The following FBN2 variants were observed in gnomAD, a reference collection of about 807,000 sequenced individuals.
FBN2 encodes fibrillin-2.
A neutral mutation model predicts 355.6 loss-of-function variants in FBN2; 105 were observed. The observed-to-expected ratio is 0.30, with a 90% CI of 0.25 to 0.35. FBN2 has a LOEUF of 0.35. Among genes scored for constraint, FBN2 ranks in the 10% least tolerant of loss-of-function variants. The pLI, the probability that FBN2 is intolerant of heterozygous loss-of-function variation, is 1.00. For synonymous variants in FBN2, 1,350 were observed against 1,301.2 expected (o/e 1.04, Z -0.81); for missense variants, 3,280 against 3,758.7 (o/e 0.87, Z 3.33).
chr5:128,296,305 G>C (rs1330474412), intron 48 of FBN2, among the ~76,000 whole-genome samples: 1 of 151,516 alleles, frequency 6.6e-6, no homozygotes, highest in Non-Finnish European at 1.5e-5. Flanking sequence ...TCTCTTTTTT[G>C]GTTGTGTCTC....
intron 4 of FBN2, among the ~76,000 whole-genome samples, chr5:128,527,404 T>C (rs1423823133): frequency 6.6e-6 from 1 of 152,152 alleles, no homozygotes; most frequent in African/African-American, 2.4e-5. Context: ...TAAATATATT[T>C]AAGCAAAGGA....
intron 5 of FBN2, among the ~76,000 whole-genome samples, chr5:128,512,939 CA>C (rs1201779296): frequency 6.6e-6 from 1 of 152,086 alleles, no homozygotes; most frequent in East Asian, 1.9e-4. Flanking sequence ...TCAAAGTTAA[CA>C]TAATAGATAT....
chr5:128,339,269 T>C, intron 25 of FBN2: 1 of 550,174 alleles, frequency 1.8e-6, no homozygotes, highest in South Asian at 2.0e-5. Flanking sequence ...AGGCAAGTGG[T>C]GCCTTTTCAC....
At chr5:128,478,293 T>A (rs1243798738) in intron 5 of FBN2, among the ~76,000 whole-genome samples, 3 of 152,172 alleles carry the variant, frequency 2.0e-5, no homozygotes, top group Admixed American at 1.3e-4. Context: ...TCAAAAAAGT[T>A]CCAATATAAT....
At chr5:128,374,369 C>T (rs1752026859) in intron 15 of FBN2, among the ~76,000 whole-genome samples, 1 of 152,088 alleles carries the variant, frequency 6.6e-6, no homozygotes, top group African/African-American at 2.4e-5. Flanking sequence ...TCCCACCACC[C>T]CCATCCTCTC....
rs1309043618 is a variant in FBN2, at chr5:128,272,158, C to T, written c.7841-40G>A. On this transcript the variant is annotated intron_variant, in intron 61 of 64. Transcript: ENST00000262464. ...CCGGCAAAACCTTTATGTCACCTTT[C>T]TTCTACTATTTTTAAATGCACTCCA... 2.5e-6 allele frequency: 4 copies of T among 1,612,970 alleles called. No homozygotes were observed. The African/African-American group carries it at 5.3e-5, about 22-fold the overall frequency.
intron 60 of FBN2, 133 bp from the exon 61 acceptor site, chr5:128,274,101 C>A (rs893879331): frequency 3.2e-6 from 3 of 939,798 alleles, no homozygotes; most frequent in African/African-American, 3.3e-5. Context: ...AAAATTTATA[C>A]CAAAATTCAC....
intron 11 of FBN2, among the ~76,000 whole-genome samples, chr5:128,388,269 T>C (rs1238897219): frequency 2.0e-5 from 3 of 152,176 alleles, no homozygotes; most frequent in African/African-American, 7.2e-5. Flanking sequence ...AGACAGCATA[T>C]AGTTGAATCT....
At chr5:128,380,225 A>T (rs917584615) in intron 11 of FBN2, among the ~76,000 whole-genome samples, 3 of 152,118 alleles carry the variant, frequency 2.0e-5, no homozygotes, top group Admixed American at 6.6e-5. Flanking sequence ...GAGCATTAGC[A>T]AGCATATAAA....
intron 11 of FBN2, among the ~76,000 whole-genome samples, chr5:128,390,902 CTTGA>C (rs1177435598): frequency 1.3e-5 from 2 of 152,124 alleles, no homozygotes; most frequent in African/African-American, 4.8e-5. Flanking sequence ...ACACTGTATG[CTTGA>C]TTGTTTCTCA....
chr5:128,398,026 T>A (rs1303344779), intron 8 of FBN2, among the ~76,000 whole-genome samples: 1 of 152,048 alleles, frequency 6.6e-6, no homozygotes, highest in African/African-American at 2.4e-5. Context: ...AAAAAAAAGA[T>A]CTCTCTTAAG....
chr5:128,276,902 T>C (rs1040002119), intron 58 of FBN2, among the ~76,000 whole-genome samples: 1 of 152,214 alleles, frequency 6.6e-6, no homozygotes, highest in Non-Finnish European at 1.5e-5. Context: ...CACACGTGTA[T>C]AGACAGTCTT....
chr5:128,383,254 ACT>A (rs1334870521), intron 11 of FBN2, among the ~76,000 whole-genome samples: 1 of 151,988 alleles, frequency 6.6e-6, no homozygotes, highest in African/African-American at 2.4e-5. Flanking sequence ...GAGAGAAGAC[ACT>A]CTTTTCAACA....
At chr5:128,503,078 C>G (rs542442490) in intron 5 of FBN2, among the ~76,000 whole-genome samples, 1 of 106,496 alleles carries the variant, frequency 9.4e-6, no homozygotes, top group Non-Finnish European at 1.8e-5. Context: ...ATCACAGGGA[C>G]AGTTTCCCCC....
intron 62 of FBN2, among the ~76,000 whole-genome samples, chr5:128,269,944 A>C (rs1250487653): frequency 6.6e-6 from 1 of 152,236 alleles, no homozygotes; most frequent in Non-Finnish European, 1.5e-5. Flanking sequence ...TCTTCAAAGT[A>C]TACAACAAGG....
chr5:128,403,201 A>C (rs940356614), intron 8 of FBN2, among the ~76,000 whole-genome samples: 107 of 152,152 alleles, frequency 7.0e-4, no homozygotes, highest in African/African-American at 2.4e-3. Flanking sequence ...GAAAAAAAAA[A>C]CCCATATACT....
chr5:128,296,572 G>A (rs1045276229), intron 48 of FBN2, among the ~76,000 whole-genome samples: 30 of 152,188 alleles, frequency 2.0e-4, no homozygotes, highest in African/African-American at 6.7e-4. Flanking sequence ...TTGGGAGAGT[G>A]TATGTGTCAA....
rs139493155 is a variant in FBN2, at chr5:128,292,243, T to C, written c.6167-589A>G. Among the ~76,000 whole-genome samples the C allele has an allele frequency of 3.7e-4, 57 of 152,250 alleles. No individual in the cohort carries two copies. The East Asian group carries it at 9.6e-3, about 26-fold the overall frequency. On this transcript the variant is annotated intron_variant, in intron 48 of 64. Transcript: ENST00000262464. Reference sequence around the variant, plus strand: ...GATTACATTTGAAAATCTGTGCCTATGGAAATGGAGGGCTGAGACATATTT... The same window carrying C: ...GATTACATTTGAAAATCTGTGCCTACGGAAATGGAGGGCTGAGACATATTT...
chr5:128,514,964 T>C (rs778893677), intron 5 of FBN2, among the ~76,000 whole-genome samples: 11 of 152,236 alleles, frequency 7.2e-5, no homozygotes, highest in Non-Finnish European at 1.3e-4. Context: ...CTCGTCACCA[T>C]ATTCCCTATA....
Sources: gnomAD v4.1 joint callset for allele counts (sites outside exome capture counted in the v4.1 genomes callset) on GRCh38, gnomAD v4.1.1 for gene constraint, MANE v1.5 for transcripts, NCBI Gene and HGNC (gene_info 2026-07-23, HGNC 2026-07-21) for gene names.